Variants in ADCY9 observed in about 807,000 individuals in gnomAD.
ADCY9 encodes the protein adenylate cyclase type 9.
ADCY9 carries 50 observed loss-of-function variants against 101.5 expected under a neutral mutation model. The ratio of observed to expected loss-of-function variants is 0.49; its 90% confidence interval spans 0.39 to 0.62. The LOEUF (loss-of-function observed/expected upper bound fraction) is 0.62. Ranked by LOEUF, ADCY9 falls within the 20% of genes least tolerant of loss-of-function variation. ADCY9 has a pLI of 0.00. For missense variants in ADCY9, 1,662 were observed against 1,800.4 expected, an observed-to-expected ratio of 0.92 and a Z score of 1.39; for synonymous variants, 905 against 769.3, an observed-to-expected ratio of 1.18 and a Z score of -2.92.
downstream of ADCY9, among the ~76,000 whole-genome samples, chr16:3,961,700 G>T (rs377536960): frequency 2.0e-5 from 3 of 152,152 alleles, no homozygotes; most frequent in South Asian, 6.2e-4. Flanking sequence ...GTCTACAAAA[G>T]AATCTTTGTG....
chr16:4,028,701 C>T (rs1418268875), intron 2 of ADCY9, among the ~76,000 whole-genome samples: 5 of 152,188 alleles, frequency 3.3e-5, no homozygotes, highest in African/African-American at 7.2e-5. Flanking sequence ...ATACTTTTCA[C>T]AGCTGAGCTT....
chr16:4,083,403 C>T lies in ADCY9; in HGVS notation c.1693+30347G>A, dbSNP rs550427579. 4.6e-5 allele frequency among the ~76,000 whole-genome samples: 7 copies of T among 152,258 alleles called. No homozygotes were observed. In the South Asian group the frequency reaches 1.5e-3, roughly 32 times the overall value. On this transcript the variant is annotated intron_variant, in intron 2 of 10. Coordinates refer to ENST00000294016, the MANE Select transcript of ADCY9 (RefSeq NM_001116.4). The stretch of plus-strand genomic sequence containing the variant: ...GGGGAAATCAGGGCCCGCACACACT[C>T]TGGTGGGAAGAGAAAATGGCATAGC...
At chr16:3,984,929 G>A (rs550320591) in intron 6 of ADCY9, among the ~76,000 whole-genome samples, 2 of 152,178 alleles carry the variant, frequency 1.3e-5, no homozygotes, top group Non-Finnish European at 2.9e-5. Flanking sequence ...GAGGGCAGGA[G>A]GGGCACTTGG....
intron 2 of ADCY9, among the ~76,000 whole-genome samples, chr16:4,069,126 G>A (rs2056817854): frequency 6.6e-6 from 1 of 152,136 alleles, no homozygotes; most frequent in African/African-American, 2.4e-5. Flanking sequence ...AAAGGTTTCT[G>A]CAATTCGTAG....
chr16:4,083,011 A>T (rs536293412), intron 2 of ADCY9, among the ~76,000 whole-genome samples: 1 of 152,230 alleles, frequency 6.6e-6, no homozygotes, highest in African/African-American at 2.4e-5. Context: ...ACTTTGTGCC[A>T]CAAGGGAAGA....
chr16:4,058,416 G>A (rs1413043074), intron 2 of ADCY9, among the ~76,000 whole-genome samples: 1 of 149,924 alleles, frequency 6.7e-6, no homozygotes, highest in African/African-American at 2.5e-5. Context: ...AGTGAGCCAA[G>A]ATCGCCCCAC....
chr16:3,988,498 GT>G (rs2056215139), intron 6 of ADCY9, among the ~76,000 whole-genome samples: 1 of 140,214 alleles, frequency 7.1e-6, no homozygotes, highest in Admixed American at 7.1e-5. Flanking sequence ...CAGGGCAGGT[GT>G]GGGGGGTTCC....
At chr16:4,006,836 C>A (rs1387201748) in intron 3 of ADCY9, among the ~76,000 whole-genome samples, 1 of 152,120 alleles carries the variant, frequency 6.6e-6, no homozygotes, top group Non-Finnish European at 1.5e-5. Context: ...TAGGCAGCTA[C>A]CAGGAGATCC....
At chr16:3,959,689 A>G (rs2055927446), downstream of ADCY9, among the ~76,000 whole-genome samples, 1 of 152,216 alleles carries the variant, frequency 6.6e-6, no homozygotes, top group African/African-American at 2.4e-5. Context: ...ATATATTTAG[A>G]TAACTCACAC....
chr16:4,005,093 A>G (rs750991754), intron 3 of ADCY9, among the ~76,000 whole-genome samples: 1 of 152,178 alleles, frequency 6.6e-6, no homozygotes, highest in Non-Finnish European at 1.5e-5. Context: ...AATGCTGTAT[A>G]TACCGCGTCC....
In ADCY9 at chr16:4,007,453, G is replaced by C; in HGVS notation, c.1799C>G (p.Ser600Cys). The C allele has an allele frequency of 6.2e-7, 1 of 1,614,078 alleles. No individual in the cohort carries two copies. Among genetic ancestry groups the C allele is most frequent in the Non-Finnish European group, 8.5e-7 (1 of 1,180,012 alleles). The stretch of plus-strand genomic sequence containing the variant: ...TGTCCCCTGTCCCCTAGGGCCTGAG[G>C]ACACCTGTGAGCCGTCAATGACCTC... ...GFEVIDGSQV[S>C]SGPRGQGTAS... Residue 600 changes from serine to cysteine, a missense_variant, in exon 3 of 11, where the codon TCC becomes TGC. By Grantham distance (112) the Ser-to-Cys change is moderately radical. Around this residue, in one of 5 missense-constraint regions of ADCY9, gnomAD observed 624 missense variants for 639.1 expected, o/e 0.98. Coordinates refer to ENST00000294016, the MANE Select transcript of ADCY9 (RefSeq NM_001116.4).
intron 2 of ADCY9, among the ~76,000 whole-genome samples, chr16:4,059,532 C>T (rs561116310): frequency 3.3e-5 from 5 of 152,226 alleles, no homozygotes; most frequent in African/African-American, 7.2e-5. Context: ...CTAGACAAGT[C>T]GGTCAAAAAC....
intron 2 of ADCY9, among the ~76,000 whole-genome samples, chr16:4,043,679 G>T (rs979033280): frequency 1.3e-5 from 2 of 152,082 alleles, no homozygotes; most frequent in African/African-American, 4.8e-5. Context: ...AACAGAGCAA[G>T]ACTACATCTC....
At chr16:4,108,360 ATTTTTTTTTTT>A (rs869169536) in intron 2 of ADCY9, among the ~76,000 whole-genome samples, 686 of 53,786 alleles carry the variant, frequency 0.013, 16 homozygotes, top group African/African-American at 0.045. Flanking sequence ...CCGTTTCTTC[ATTTTTTTTTTT>A]TTTTTTTTTT....
Position 4,049,280 on chromosome 16 carries a change from T to C in ADCY9, c.1694-41722A>G, listed in dbSNP as rs193107758. Among the ~76,000 whole-genome samples, 3 of 151,822 alleles carry C rather than the reference T, an allele frequency of 2.0e-5. No individual in the cohort carries two copies. The South Asian group carries it at 6.2e-4, about 32-fold the overall frequency. ...TGACCTGGGACCAGAGAGAAGAGGG[T>C]CCAGGGAAATGCTGCTGAAGGCTTC... On this transcript the variant is annotated intron_variant, in intron 2 of 10. Coordinates refer to ENST00000294016, the MANE Select transcript of ADCY9 (RefSeq NM_001116.4).
At chr16:4,016,391 T>C (rs915407835) in intron 2 of ADCY9, among the ~76,000 whole-genome samples, 12 of 152,006 alleles carry the variant, frequency 7.9e-5, no homozygotes, top group African/African-American at 1.9e-4. Context: ...ATTTGTGAAA[T>C]GACAGCACCA....
intron 9 of ADCY9, among the ~76,000 whole-genome samples, chr16:3,976,199 C>T (rs1167389484): frequency 1.3e-5 from 2 of 152,036 alleles, no homozygotes; most frequent in Non-Finnish European, 2.9e-5. Context: ...CACCGTGTTG[C>T]CCAGGCTGTC....
intron 3 of ADCY9, among the ~76,000 whole-genome samples, chr16:3,995,195 G>C (rs2056277274): frequency 6.6e-6 from 1 of 152,086 alleles, no homozygotes; most frequent in Non-Finnish European, 1.5e-5. Flanking sequence ...TGGGAAGCTG[G>C]GGTGGGAGGA....
chr16:4,000,146 T>C (rs761763480), intron 3 of ADCY9, among the ~76,000 whole-genome samples: 2 of 152,232 alleles, frequency 1.3e-5, no homozygotes, highest in Non-Finnish European at 2.9e-5. Context: ...AGTCATGATA[T>C]TGCAACCACA....
Sources: allele counts gnomAD v4.1 joint callset (sites outside exome capture counted in the v4.1 genomes callset), GRCh38; gene constraint gnomAD v4.1.1; regional missense constraint gnomAD v4.1.1; transcripts MANE v1.5; gene names NCBI Gene and HGNC (gene_info 2026-07-23, HGNC 2026-07-21).